Variants in CMIP observed in about 807,000 individuals in gnomAD.
CMIP encodes C-Maf-inducing protein.
In CMIP, 13 loss-of-function variants were observed where a neutral mutation model predicts 97.3. The ratio of observed to expected loss-of-function variants is 0.13; its 90% CI spans 0.09 to 0.21. The LOEUF (loss-of-function observed/expected upper bound fraction) is 0.21, where lower values mean the gene tolerates loss of function less well. Among genes scored for constraint, CMIP ranks in the 10% least tolerant of loss-of-function variants. The pLI, the probability that CMIP is intolerant of heterozygous loss-of-function variation, is 1.00. For synonymous variants in CMIP, 538 were observed against 436.3 expected (o/e 1.23, Z -2.91); for missense variants, 847 against 1,024.9 (o/e 0.83, Z 2.37).
chr16:81,608,350 G>A (rs1338518820), intron 2 of CMIP, among the ~76,000 whole-genome samples: 1 of 152,036 alleles, frequency 6.6e-6, no homozygotes, highest in Admixed American at 6.6e-5. Flanking sequence ...TTAATATTGG[G>A]CATCTCTCTC....
chr16:81,533,247 C>A (rs544378522), intron 1 of CMIP, among the ~76,000 whole-genome samples: 15 of 152,266 alleles, frequency 9.9e-5, no homozygotes, highest in African/African-American at 3.4e-4. Context: ...TTCCCCATGA[C>A]TGTATCCCCA....
In CMIP at chr16:81,577,115, C is replaced by T. The variant is rs111850287; in HGVS notation, c.301-30452C>T. 2.1e-3 allele frequency among the ~76,000 whole-genome samples: 221 copies of T among 106,912 alleles called. 34 individuals carry two copies. Among genetic ancestry groups the T allele is most frequent in the African/African-American group, 6.5e-3 (182 of 27,886 alleles). The allele number at this position is 106,912 out of a possible 152,430, so 70.1% of individuals were successfully genotyped here. ...ACATTATTATCACTATCACCATCACCACCATCATAACTATCACCTTCATCA... is the reference window on the plus strand; with the variant it reads ...ACATTATTATCACTATCACCATCACTACCATCATAACTATCACCTTCATCA... On this transcript the variant is annotated intron_variant, in intron 1 of 20. Transcript: ENST00000537098.
At chr16:81,494,659 G>A (rs2089458896) in intron 1 of CMIP, among the ~76,000 whole-genome samples, 1 of 151,922 alleles carries the variant, frequency 6.6e-6, no homozygotes, top group Admixed American at 6.5e-5. Context: ...TGATGCTTAA[G>A]GTCACACAGC....
In CMIP at chr16:81,652,259, C is replaced by T. The variant is rs761706969; in HGVS notation, c.534C>T (p.Val178=). Residue 178 remains valine (V), a synonymous_variant, in exon 4 of 21, where the codon GTC becomes GTT. Transcript: ENST00000537098. The surrounding 1 kb of genome is among the most constrained non-coding windows in gnomAD (Gnocchi z 5.2). ...GTAACCCAAGCCGCTGGGAAGTTGT[C>T]TTGAAAGAGATCCGGACCCTGGTGG... ...VLSNPSRWEV[V]LKEIRTLVDM... The T allele has an allele frequency of 6.2e-7, 1 of 1,613,788 alleles. No individual in the cohort carries two copies. The highest frequency in any genetic ancestry group is 1.7e-5 in the Admixed American group (1 of 60,028).
intron 9 of CMIP, among the ~76,000 whole-genome samples, chr16:81,677,732 G>A (rs1201195364): frequency 6.6e-6 from 1 of 152,212 alleles, no homozygotes; most frequent in East Asian, 1.9e-4. Flanking sequence ...GGGTTACCCA[G>A]GAGGAGTGGG....
At chr16:81,490,654 A>G (rs1374985077) in intron 1 of CMIP, among the ~76,000 whole-genome samples, 2 of 152,130 alleles carry the variant, frequency 1.3e-5, no homozygotes, top group East Asian at 1.9e-4. Context: ...TGGCGGGGGA[A>G]TAAGGGCCCT....
chr16:81,679,825 C>T (rs1033208719), intron 10 of CMIP, among the ~76,000 whole-genome samples: 2 of 152,142 alleles, frequency 1.3e-5, no homozygotes, highest in African/African-American at 2.4e-5. Context: ...ATCTCAAACC[C>T]GTGAGCACCT....
intron 3 of CMIP, among the ~76,000 whole-genome samples, chr16:81,644,854 T>C (rs1233219678): frequency 3.3e-5 from 5 of 152,080 alleles, no homozygotes; most frequent in African/African-American, 1.2e-4. Flanking sequence ...GGGTCTCCCA[T>C]GGGAGGAGGT....
chr16:81,458,270 C>T (rs1049704963), intron 1 of CMIP, among the ~76,000 whole-genome samples: 1 of 152,084 alleles, frequency 6.6e-6, no homozygotes, highest in South Asian at 2.1e-4. Context: ...ATAGCTGAAC[C>T]CCATCACCTG....
At chr16:81,651,085 C>CT (rs2092422892) in intron 3 of CMIP, 1 of 152,338 alleles carries the variant, frequency 6.6e-6, no homozygotes, top group Admixed American at 6.5e-5. Flanking sequence ...CCCTCCTCTC[C>CT]CCCCTCCTCT....
chr16:81,696,568 A>C lies in CMIP; in HGVS notation c.1539A>C (p.Ser513=). 1 of 1,604,506 alleles carries C rather than the reference A, an allele frequency of 6.2e-7. No homozygotes were observed. Among genetic ancestry groups the C allele is most frequent in the Non-Finnish European group, 8.5e-7 (1 of 1,179,660 alleles). ...CTTCCCTTGTCTGGCAGGTCCACTC[A>C]TGCCTGCTGAGCGTGCGGGCCGGCA... The part of the protein sequence containing the change: ...FAEDPRQEVH[S]CLLSVRAGKD... Residue 513 remains serine, a synonymous_variant, in exon 14 of 21, where the codon TCA becomes TCC. Coordinates refer to ENST00000537098, the MANE Select transcript of CMIP (RefSeq NM_198390.3).
intron 2 of CMIP, chr16:81,610,372 C>T (rs1159463244): frequency 2.0e-6 from 2 of 985,584 alleles, no homozygotes; most frequent in Non-Finnish European, 2.4e-6. Context: ...TGCTCACTGC[C>T]CCCTGATCCC....
intron 1 of CMIP, among the ~76,000 whole-genome samples, chr16:81,577,023 TATCACC>T (rs907819015): frequency 2.1e-5 from 3 of 145,114 alleles, no homozygotes; most frequent in African/African-American, 5.5e-5. Flanking sequence ...TTATTATCAC[TATCACC>T]ATCACCATCA....
At chr16:81,609,875 G>A (rs928412271) in intron 2 of CMIP, among the ~76,000 whole-genome samples, 24 of 152,176 alleles carry the variant, frequency 1.6e-4, no homozygotes, top group African/African-American at 4.3e-4. Flanking sequence ...GATCACCCAG[G>A]CCTTGCCAGC....
intron 1 of CMIP, among the ~76,000 whole-genome samples, chr16:81,531,120 A>T (rs1015087114): frequency 1.5e-5 from 2 of 136,474 alleles, no homozygotes; most frequent in Non-Finnish European, 3.4e-5. Context: ...ATCATGCTGG[A>T]GGTCATGCGG....
rs76322515 is a variant in CMIP at position 81,449,507 on chromosome 16, A to G, written c.300+3966A>G. ...GGTTTCTACCTAAGAATTAAAATCTATGTCCTCCAGGGTAGTCACAGATCC... is the reference window on the plus strand; with the variant it reads ...GGTTTCTACCTAAGAATTAAAATCTGTGTCCTCCAGGGTAGTCACAGATCC... On this transcript the variant is annotated intron_variant, in intron 1 of 20. Transcript: ENST00000537098. Among the ~76,000 whole-genome samples the G allele has an allele frequency of 6.3e-3, 964 of 152,268 alleles. 7 individuals are homozygous for G. Among genetic ancestry groups the G allele is most frequent in the African/African-American group, 0.02 (850 of 41,544 alleles).
intron 1 of CMIP, among the ~76,000 whole-genome samples, chr16:81,461,628 G>T (rs1270795515): frequency 2.6e-5 from 4 of 152,122 alleles, no homozygotes; most frequent in African/African-American, 7.3e-5. Flanking sequence ...AAGGGAGCCA[G>T]TGGGATTTTT....
chr16:81,533,188 T>A (rs895543872), intron 1 of CMIP, among the ~76,000 whole-genome samples: 11 of 152,236 alleles, frequency 7.2e-5, no homozygotes, highest in Non-Finnish European at 1.5e-4. Flanking sequence ...TTCTTACTTA[T>A]TTTGTTTATT....
intron 10 of CMIP, among the ~76,000 whole-genome samples, chr16:81,683,921 C>T (rs996757832): frequency 4.7e-5 from 7 of 148,568 alleles, no homozygotes; most frequent in East Asian, 2.0e-4. Context: ...CCGCCTAGCC[C>T]GGCTAATTTT....
Sources: gnomAD v4.1 joint callset for allele counts (sites outside exome capture counted in the v4.1 genomes callset) on GRCh38, gnomAD v4.1.1 for gene constraint, Gnocchi (gnomAD v3.1) non-coding constraint, MANE v1.5 for transcripts, NCBI Gene and HGNC (gene_info 2026-07-23, HGNC 2026-07-21) for gene names.